Variants in LRRC9 observed in about 807,000 individuals in gnomAD.
The protein encoded by LRRC9 is leucine-rich repeat-containing protein 9.
In LRRC9, 122 loss-of-function variants were observed where a neutral mutation model predicts 63.2. That is an observed-to-expected ratio of 1.93 (90% CI 1.67 to 2.24). The LOEUF (loss-of-function observed/expected upper bound fraction) is 2.24, where lower values mean the gene tolerates loss of function less well. Ranked by LOEUF, LRRC9 falls within the 30% of genes most tolerant of loss-of-function variation. LRRC9 has a pLI of 0.00. For synonymous variants in LRRC9, 366 were observed against 213.1 expected (o/e 1.72, Z -6.25); for missense variants, 1,071 against 627.7 (o/e 1.71, Z -7.55).
In LRRC9 at chr14:59,921,285, G is replaced by C. The variant is rs527708511; in HGVS notation, c.-34+1402G>C. Among the ~76,000 whole-genome samples the C allele has an allele frequency of 5.9e-5, 9 of 152,198 alleles. 1 individual carries two copies. Among genetic ancestry groups the C allele is most frequent in the African/African-American group, 1.9e-4 (8 of 41,526 alleles). ...GTGAGGTAGGCAGGAGTCAGAGCATGGAAACCATTAATACCTTCCAAAGGG... is the reference window on the plus strand; with the variant it reads ...GTGAGGTAGGCAGGAGTCAGAGCATCGAAACCATTAATACCTTCCAAAGGG... On this transcript the variant is annotated intron_variant, in intron 1 of 31. Transcript: ENST00000445360.
chr14:60,021,927 C>T (rs1891147122), intron 26 of LRRC9, among the ~76,000 whole-genome samples: 1 of 151,850 alleles, frequency 6.6e-6, no homozygotes, highest in Non-Finnish European at 1.5e-5. Context: ...TTAAGCTCTC[C>T]AACTTTGTTC....
intron 19 of LRRC9, 132 bp from the exon 20 acceptor site, chr14:60,001,834 C>T: frequency 2.3e-6 from 1 of 436,704 alleles, no homozygotes; most frequent in East Asian, 3.4e-5. Context: ...CAATTTAAGG[C>T]AAAGGAAATG....
In LRRC9 at chr14:60,031,443, C is replaced by T. The variant is rs1891982799; in HGVS notation, c.3922-552C>T. On this transcript the variant is annotated intron_variant, in intron 28 of 31. Coordinates refer to ENST00000445360, the Ensembl canonical transcript of LRRC9. This position sits in a 1 kb window ranked among gnomAD's most constrained non-coding sequence, Gnocchi z 4.6. ...TTTTGCAAAAACTAAAATGTATTTG[C>T]AAACTTTCACCAATGTTAAATGGAA... Among the ~76,000 whole-genome samples, 1 of 151,866 alleles carries T rather than the reference C, an allele frequency of 6.6e-6. No individual in the cohort carries two copies. The highest frequency in any genetic ancestry group is 2.1e-4 in the South Asian group (1 of 4,816).
At position 59,981,698 on chromosome 14, in the gene LRRC9, G is replaced by C. The variant is rs2140100799; in HGVS notation, c.1879-150G>C. The C allele has an allele frequency of 5.0e-6, 3 of 595,474 alleles. No individual in the cohort carries two copies. The South Asian group carries it at 6.3e-5, about 13-fold the overall frequency. The allele number at this position is 595,474 out of a possible 1,614,324, so 36.9% of individuals were successfully genotyped here. ...CATGCATAGCCTACAATTTTAATCT[G>C]CTCTCATAGATGTCCTAATGTGATT... On this transcript the variant is annotated intron_variant, in intron 15 of 31. Coordinates refer to ENST00000445360, the Ensembl canonical transcript of LRRC9.
intron 29 of LRRC9, among the ~76,000 whole-genome samples, chr14:60,044,642 T>C (rs1348241005): frequency 1.3e-5 from 2 of 152,218 alleles, no homozygotes; most frequent in Non-Finnish European, 2.9e-5. Context: ...TCCATTGTGA[T>C]CCAAGAAGAT....
At chr14:59,985,477 T>C (rs1390158665) in intron 17 of LRRC9, among the ~76,000 whole-genome samples, 1 of 152,198 alleles carries the variant, frequency 6.6e-6, no homozygotes, top group Non-Finnish European at 1.5e-5. Flanking sequence ...CATATTCAAA[T>C]TTATTCTGCC....
rs7152011 is a variant in LRRC9 at position 59,930,072 on chromosome 14, T to A, written c.268-846T>A. ...CACATGCACCCCTGAACTTAAAATA[T>A]AAGTTCAATAAATAAATAAATTGAT... is the stretch of plus-strand genomic sequence containing the variant. On this transcript the variant is annotated intron_variant, in intron 3 of 31. Transcript: ENST00000445360. The surrounding 1 kb of genome is among the most constrained non-coding windows in gnomAD (Gnocchi z 4.9). Among the ~76,000 whole-genome samples the A allele has an allele frequency of 0.43, 64,850 of 151,866 alleles. 14,549 individuals carry two copies. The highest frequency in any genetic ancestry group is 0.64 in the East Asian group (3,308 of 5,186).
intron 23 of LRRC9, among the ~76,000 whole-genome samples, chr14:60,010,225 G>A (rs2140243175): frequency 6.6e-6 from 1 of 152,264 alleles, no homozygotes; most frequent in Non-Finnish European, 1.5e-5. Flanking sequence ...GGACATCTAG[G>A]CGTTTCCATA....
In LRRC9 at chr14:60,034,207, CAG is replaced by C. The variant is rs559584134; in HGVS notation, c.3990+2147_3990+2148del. ...TAATTTTTTGTATTTTTAGTAGAGA[CAG>C]AGTTTCACCATGTTGGCCAGCATGG... is the stretch of plus-strand genomic sequence containing the variant. On this transcript the variant is annotated intron_variant, in intron 29 of 31. Transcript: ENST00000445360. 1.6e-3 allele frequency among the ~76,000 whole-genome samples: 241 copies of C among 151,508 alleles called. 2 individuals are homozygous for C. Among genetic ancestry groups the C allele is most frequent in the African/African-American group, 5.1e-3 (211 of 41,308 alleles).
At chr14:59,920,253 C>T (rs1295140424) in intron 1 of LRRC9, 1 of 152,232 alleles carries the variant, frequency 6.6e-6, no homozygotes, top group Non-Finnish European at 1.5e-5. Flanking sequence ...GCCCCGGAAT[C>T]CACCCTCTCT....
At chr14:59,979,841 T>C (rs976869094) in intron 15 of LRRC9, among the ~76,000 whole-genome samples, 6 of 147,364 alleles carry the variant, frequency 4.1e-5, no homozygotes, top group African/African-American at 1.5e-4. Context: ...GGGGAAGGGA[T>C]AGCATTAGGA....
chr14:60,039,599 CG>C (rs1892761344), intron 29 of LRRC9, among the ~76,000 whole-genome samples: 1 of 152,052 alleles, frequency 6.6e-6, no homozygotes, highest in South Asian at 2.1e-4. Flanking sequence ...TCTGTGGGAT[CG>C]GTGGTGATAT....
At chr14:59,954,103 C>T (rs954111989) in intron 8 of LRRC9, among the ~76,000 whole-genome samples, 1 of 152,206 alleles carries the variant, frequency 6.6e-6, no homozygotes, top group Non-Finnish European at 1.5e-5. Context: ...ATGATGCCTT[C>T]AGCTTTATTC....
intron 26 of LRRC9, among the ~76,000 whole-genome samples, chr14:60,020,483 T>C (rs762827838): frequency 1.5e-4 from 23 of 151,964 alleles, no homozygotes; most frequent in Non-Finnish European, 2.9e-4. Context: ...TTTATTGAAG[T>C]GGCAGTTAAT....
At chr14:59,943,653 T>A (rs543172341) in intron 7 of LRRC9, among the ~76,000 whole-genome samples, 1 of 152,180 alleles carries the variant, frequency 6.6e-6, no homozygotes, top group African/African-American at 2.4e-5. Context: ...GCAGGGGAAT[T>A]TGGTGATTTC....
In LRRC9 at chr14:60,003,443, C is replaced by T. The variant is rs1416220427; in HGVS notation, c.2665-178C>T. ...TATAAGTCCTTCTTGGAGTTATAAT[C>T]TCGTCAAATTTTACTTTTCTGTAAA... is the stretch of plus-strand genomic sequence containing the variant. On this transcript the variant is annotated intron_variant, in intron 20 of 31. Coordinates refer to ENST00000445360, the Ensembl canonical transcript of LRRC9. This position sits in a 1 kb window ranked among gnomAD's most constrained non-coding sequence, Gnocchi z 4.2. Among the ~76,000 whole-genome samples the T allele has an allele frequency of 6.6e-6, 1 of 152,228 alleles. No homozygotes were observed. The highest frequency in any genetic ancestry group is 1.5e-5 in the Non-Finnish European group (1 of 68,032).
Position 60,027,909 on chromosome 14 carries a change from G to T in LRRC9, c.3729G>T (p.Gly1243=). The T allele has an allele frequency of 1.4e-6, 1 of 700,924 alleles. No individual in the cohort carries two copies. The highest frequency in any genetic ancestry group is 2.3e-4 in the Middle Eastern group (1 of 4,342). The allele number at this position is 700,924 out of a possible 1,614,324, so 43.4% of individuals were successfully genotyped here. A position where few individuals can be genotyped will look rare whatever the true frequency, so the allele number is the denominator to read the frequency against. ...GTAATGAAATCAGCCAAGTTGAAGG[G>T]CTTGACAACTTAGTAGTCCTTCAAG... Residue 1243 remains glycine, a synonymous_variant, in exon 28 of 32, where the codon GGG becomes GGT. Coordinates refer to ENST00000445360, the Ensembl canonical transcript of LRRC9. The surrounding 1 kb of genome is among the most constrained non-coding windows in gnomAD (Gnocchi z 4.0).
intron 28 of LRRC9, among the ~76,000 whole-genome samples, chr14:60,029,139 A>C (rs941632628): frequency 7.2e-5 from 11 of 152,146 alleles, no homozygotes; most frequent in Non-Finnish European, 1.3e-4. Context: ...TAAATTAGGA[A>C]AATTGCCCTT....
intron 15 of LRRC9, among the ~76,000 whole-genome samples, chr14:59,979,020 C>T (rs931051671): frequency 2.0e-5 from 3 of 152,190 alleles, no homozygotes; most frequent in Non-Finnish European, 2.9e-5. Flanking sequence ...TAGAGTTGTA[C>T]GAACCAAATG....
Sources: gnomAD v4.1 joint callset for allele counts (sites outside exome capture counted in the v4.1 genomes callset) on GRCh38, gnomAD v4.1.1 for gene constraint, Gnocchi (gnomAD v3.1) non-coding constraint, MANE v1.5 for transcripts, NCBI Gene and HGNC (gene_info 2026-07-23, HGNC 2026-07-21) for gene names.